TARDBP: variants seen among roughly 807,000 people sequenced by gnomAD.
TARDBP encodes the protein TAR DNA-binding protein 43.
TARDBP carries 4 observed loss-of-function variants against 38.3 expected under a neutral mutation model. The observed-to-expected ratio is 0.10, with a 90% CI of 0.05 to 0.24. The LOEUF (loss-of-function observed/expected upper bound fraction) is 0.24, where lower values mean the gene tolerates loss of function less well. Among genes scored for constraint, TARDBP ranks in the 10% least tolerant of loss-of-function variants. The pLI, the probability that TARDBP is intolerant of heterozygous loss-of-function variation, is 1.00. For synonymous variants in TARDBP, 184 were observed against 183.8 expected, an observed-to-expected ratio of 1.00 and a Z score of -0.01; for missense variants, 202 against 521.9, an observed-to-expected ratio of 0.39 and a Z score of 5.97.
chr1:11,027,658 G>A (rs760522872), downstream of TARDBP: 1 of 1,588,040 alleles, frequency 6.3e-7, no homozygotes, highest in Non-Finnish European at 8.6e-7. Context: ...ACTGGAGAAA[G>A]AAGCAGATAG....
chr1:11,017,121 A>C (rs1643539327), intron 3 of TARDBP, 114 bp downstream of exon 3: 5 of 1,217,790 alleles, frequency 4.1e-6, no homozygotes, highest in Non-Finnish European at 5.9e-6. Context: ...TTCTGGCGTC[A>C]AACTCCTGGG....
intron 3 of TARDBP, among the ~76,000 whole-genome samples, chr1:11,017,881 C>T (rs1184082967): frequency 2.0e-5 from 2 of 98,750 alleles, no homozygotes; most frequent in Non-Finnish European, 2.1e-5. Context: ...GACTCAGTTT[C>T]TCTTTTTTCT....
intron 2 of TARDBP, 41 bp downstream of exon 2, chr1:11,014,006 T>C: frequency 6.3e-7 from 1 of 1,587,930 alleles, no homozygotes; most frequent in South Asian, 1.1e-5. Context: ...CTGAAGTGTG[T>C]TCAGGTGTGT....
intron 2 of TARDBP, chr1:11,016,145 T>C (rs1213332764): frequency 6.6e-6 from 1 of 152,250 alleles, no homozygotes; most frequent in African/African-American, 2.4e-5. Context: ...TTCACCATCT[T>C]GGCCAGGCTG....
rs534073893 is a variant in TARDBP at position 11,024,353 on chromosome 1, G to A, written c.*1699G>A. On this transcript the variant is annotated 3_prime_UTR_variant, in exon 6 of 6. Transcript: ENST00000240185. ...CTAAAATGGTAAGCAGTACCCTCCG[G>A]CTTTTTCTTAGTGCCTCTGTGCATT... The A allele has an allele frequency of 6.6e-6, 1 of 152,398 alleles. No homozygotes were observed. The highest frequency in any genetic ancestry group is 1.9e-4 in the East Asian group (1 of 5,166). The allele number at this position is 152,398 out of a possible 1,614,324, so 9.4% of individuals were successfully genotyped here. A position where few individuals can be genotyped will look rare whatever the true frequency, so the allele number is the denominator to read the frequency against.
At chr1:11,020,217 C>T (rs576657702) in intron 4 of TARDBP, among the ~76,000 whole-genome samples, 1 of 152,158 alleles carries the variant, frequency 6.6e-6, no homozygotes, top group Non-Finnish European at 1.5e-5. Flanking sequence ...TTATGTGATG[C>T]ATGACTGTGT....
chr1:11,019,592 A>G (rs1490776403), intron 4 of TARDBP, among the ~76,000 whole-genome samples: 1 of 151,352 alleles, frequency 6.6e-6, no homozygotes, highest in Non-Finnish European at 1.5e-5. Flanking sequence ...TGAGAGAGAG[A>G]GTCTCACTCT....
intron 4 of TARDBP, 146 bp from the exon 5 acceptor site, chr1:11,020,283 C>T (rs1280578377): frequency 2.2e-6 from 2 of 901,150 alleles, no homozygotes; most frequent in Non-Finnish European, 3.5e-6. Flanking sequence ...AAAAGAAATG[C>T]TGATGGAAAA....
downstream of TARDBP, chr1:11,029,994 C>T (rs1192027872): frequency 3.8e-6 from 2 of 527,994 alleles, no homozygotes; most frequent in East Asian, 3.3e-5. Context: ...GCAGTCAGCA[C>T]CTAACAACCT....
intron 4 of TARDBP, among the ~76,000 whole-genome samples, chr1:11,019,435 C>G (rs1215340990): frequency 1.3e-5 from 2 of 152,196 alleles, no homozygotes; most frequent in Non-Finnish European, 1.5e-5. Flanking sequence ...CAAATACTTA[C>G]CATCATGTTA....
At position 11,023,107 on chromosome 1, in the gene TARDBP, TGTTTG is replaced by T. The variant is rs1210523980; in HGVS notation, c.*457_*461del. ...CTTTTAGGAGATCATGGTGTCACAGTGTTTGGTTCTTTTGTTTTGTTTTTTAACAC... is the reference window on the plus strand; with the variant it reads ...CTTTTAGGAGATCATGGTGTCACAGTGTTCTTTTGTTTTGTTTTTTAACAC... On this transcript the variant is annotated 3_prime_UTR_variant, in exon 6 of 6. Transcript: ENST00000240185. 6.6e-6 allele frequency: 10 copies of T among 1,526,016 alleles called. No homozygotes were observed. Among genetic ancestry groups the T allele is most frequent in the African/African-American group, 1.4e-5 (1 of 72,316 alleles). The allele number at this position is 1,526,016 out of a possible 1,614,324, so 94.5% of individuals were successfully genotyped here. A position where few individuals can be genotyped will look rare whatever the true frequency, so the allele number is the denominator to read the frequency against.
chr1:11,028,263 G>A (rs1410212740), downstream of TARDBP, among the ~76,000 whole-genome samples: 2 of 152,108 alleles, frequency 1.3e-5, no homozygotes, highest in Non-Finnish European at 2.9e-5. Context: ...AGCAGGCATT[G>A]TCTGAGCAGA....
chr1:11,016,632 A>G (rs1643530903), intron 2 of TARDBP, among the ~76,000 whole-genome samples: 1 of 152,224 alleles, frequency 6.6e-6, no homozygotes, highest in South Asian at 2.1e-4. Flanking sequence ...ACAAACTTGG[A>G]AATCACTGAA....
intron 4 of TARDBP, chr1:11,019,239 AC>A (rs1309194911): frequency 1.9e-5 from 6 of 321,884 alleles, no homozygotes; most frequent in Non-Finnish European, 3.0e-5. Flanking sequence ...CAAACAAATA[AC>A]ATTGGCTTAT....
At chr1:11,021,360 C>G (rs558636118) in intron 5 of TARDBP, among the ~76,000 whole-genome samples, 5 of 151,868 alleles carry the variant, frequency 3.3e-5, no homozygotes, top group African/African-American at 4.8e-5. Context: ...AGGCTGGTCT[C>G]GAACTCCTGA....
intron 2 of TARDBP, among the ~76,000 whole-genome samples, chr1:11,014,272 T>G (rs1643471785): frequency 6.6e-6 from 1 of 152,256 alleles, no homozygotes; most frequent in African/African-American, 2.4e-5. Context: ...TAGATTCTTC[T>G]GAAGTGCTTC....
chr1:11,013,898 A>G lies in TARDBP; in HGVS notation c.171A>G (p.Val57=). 14 of 1,614,200 alleles carry G rather than the reference A, an allele frequency of 8.7e-6. No individual in the cohort carries two copies. The highest frequency in any genetic ancestry group is 1.2e-5 in the Non-Finnish European group (14 of 1,180,034). Residue 57 remains valine, a synonymous_variant, in exon 2 of 6, where the codon GTA becomes GTG. Coordinates refer to ENST00000240185, the MANE Select transcript of TARDBP (RefSeq NM_007375.4). ...AGTGTATGAGAGGTGTCCGGCTGGT[A>G]GAAGGAATTCTGCATGCCCCAGATG... is the stretch of plus-strand genomic sequence containing the variant. ...VSQCMRGVRL[V]EGILHAPDAG... is the part of the protein sequence containing the mutation.
rs997847063 is a variant in TARDBP at position 11,024,218 on chromosome 1, A to G, written c.*1564A>G. On this transcript the variant is annotated 3_prime_UTR_variant, in exon 6 of 6. Transcript: ENST00000240185. ...CAAATGGATTCATCACCTGTCATGC[A>G]TTGACACCTGATACCCAGACTTAAT... 1 of 152,722 alleles carries G rather than the reference A, an allele frequency of 6.5e-6. No homozygotes were observed. Among genetic ancestry groups the G allele is most frequent in the East Asian group, 1.9e-4 (1 of 5,186 alleles). The allele number at this position is 152,722 out of a possible 1,614,324, so 9.5% of individuals were successfully genotyped here. A position where few individuals can be genotyped will look rare whatever the true frequency, so the allele number is the denominator to read the frequency against.
intron 2 of TARDBP, 91 bp downstream of exon 2, chr1:11,014,056 G>A: frequency 7.6e-7 from 1 of 1,308,060 alleles, no homozygotes; most frequent in Non-Finnish European, 1.1e-6. Flanking sequence ...GTGGCAGAAT[G>A]TCTCCTGAAA....
Sources: allele counts gnomAD v4.1 joint callset (sites outside exome capture counted in the v4.1 genomes callset), GRCh38; gene constraint gnomAD v4.1.1; transcripts MANE v1.5; gene names NCBI Gene and HGNC (gene_info 2026-07-23, HGNC 2026-07-21).